GIGYF2: variants seen among roughly 807,000 people sequenced by gnomAD.
GIGYF2 encodes the protein GRB10 interacting GYF protein 2, also known as GRB10-interacting GYF protein 2.
Under a neutral mutation model 208.1 loss-of-function variants are expected in GIGYF2, and 25 were observed. The ratio of observed to expected loss-of-function variants is 0.12; its 90% CI spans 0.09 to 0.17. The LOEUF (loss-of-function observed/expected upper bound fraction) is 0.17. Ranked by LOEUF, GIGYF2 falls within the 10% of genes least tolerant of loss-of-function variation. GIGYF2 has a pLI of 1.00. For missense variants in GIGYF2, 1,302 were observed against 1,579.4 expected (o/e 0.82, Z 2.98); for synonymous variants, 534 against 543.8 (o/e 0.98, Z 0.25).
chr2:232,730,012 C>G (rs750020292), intron 2 of GIGYF2: 7 of 775,878 alleles, frequency 9.0e-6, no homozygotes, highest in Non-Finnish European at 1.4e-5. Flanking sequence ...TTTTCTTTTT[C>G]GTAAGACTTG....
intron 13 of GIGYF2, among the ~76,000 whole-genome samples, chr2:232,795,312 G>C (rs1252570229): frequency 6.6e-6 from 1 of 152,110 alleles, no homozygotes; most frequent in Non-Finnish European, 1.5e-5. Flanking sequence ...TAAACTTTCA[G>C]AGCATTAACA....
chr2:232,832,289 TG>T (rs1005077405), intron 21 of GIGYF2, among the ~76,000 whole-genome samples: 18 of 152,020 alleles, frequency 1.2e-4, no homozygotes, highest in African/African-American at 4.4e-4. Context: ...CACAATGGAA[TG>T]GTTTTGAGGG....
At chr2:232,781,536 T>G (rs1472879451) in intron 8 of GIGYF2, among the ~76,000 whole-genome samples, 1 of 152,202 alleles carries the variant, frequency 6.6e-6, no homozygotes, top group Non-Finnish European at 1.5e-5. Context: ...AGAATAAAAT[T>G]TTTATATTGA....
chr2:232,796,272 A>G (rs1234504112), intron 14 of GIGYF2, 51 bp downstream of exon 14: 2 of 1,114,288 alleles, frequency 1.8e-6, no homozygotes, highest in Non-Finnish European at 2.8e-6. Flanking sequence ...CATTACCTCC[A>G]GAATCTCTAA....
chr2:232,707,600 C>A (rs1378902355), intron 2 of GIGYF2, among the ~76,000 whole-genome samples: 1 of 151,854 alleles, frequency 6.6e-6, no homozygotes, highest in Admixed American at 6.6e-5. Context: ...GGAATCTGAC[C>A]CTCTTCTTAG....
intron 21 of GIGYF2, among the ~76,000 whole-genome samples, chr2:232,824,438 A>G (rs1222621272): frequency 2.0e-5 from 3 of 152,260 alleles, no homozygotes; most frequent in African/African-American, 7.2e-5. Flanking sequence ...ATATGGAGAT[A>G]GTTTTAGTGG....
At chr2:232,792,204 A>C (rs1700089402) in intron 12 of GIGYF2, among the ~76,000 whole-genome samples, 1 of 152,104 alleles carries the variant, frequency 6.6e-6, no homozygotes, top group South Asian at 2.1e-4. Context: ...GTTTTCTAGG[A>C]TTCGTACCTT....
chr2:232,708,344 A>G (rs1218908966), intron 2 of GIGYF2, among the ~76,000 whole-genome samples: 2 of 152,172 alleles, frequency 1.3e-5, no homozygotes, highest in Non-Finnish European at 2.9e-5. Context: ...ATGTTGTTTA[A>G]TTGTGTGGTG....
At chr2:232,719,900 T>C (rs942066072) in intron 2 of GIGYF2, among the ~76,000 whole-genome samples, 13 of 152,098 alleles carry the variant, frequency 8.5e-5, no homozygotes, top group African/African-American at 2.9e-4. Context: ...TGTAGAAATA[T>C]TCTCTCAGCT....
intron 8 of GIGYF2, among the ~76,000 whole-genome samples, chr2:232,780,941 AT>A (rs1260904534): frequency 6.6e-6 from 1 of 151,848 alleles, no homozygotes; most frequent in Non-Finnish European, 1.5e-5. Context: ...AATATTTATT[AT>A]TTATTTATGT....
At chr2:232,709,293 A>G (rs1470813731) in intron 2 of GIGYF2, among the ~76,000 whole-genome samples, 1 of 152,086 alleles carries the variant, frequency 6.6e-6, no homozygotes, top group Non-Finnish European at 1.5e-5. Context: ...GGCTTTTATG[A>G]TTGCTATTAC....
At chr2:232,852,582 A>G (rs1690396282) in intron 28 of GIGYF2, among the ~76,000 whole-genome samples, 1 of 143,052 alleles carries the variant, frequency 7.0e-6, no homozygotes, top group Non-Finnish European at 1.6e-5. Flanking sequence ...AATGTTTAAA[A>G]TATTATTTAA....
chr2:232,816,726 TTATC>T (rs528752083), intron 19 of GIGYF2, 141 bp from the exon 20 acceptor site: 8 of 697,690 alleles, frequency 1.1e-5, no homozygotes, highest in Non-Finnish European at 1.8e-5. Flanking sequence ...CATATTTTGT[TTATC>T]TATTGATCTG....
Position 232,787,014 on chromosome 2 carries a change from T to A in GIGYF2, c.533-136T>A, listed in dbSNP as rs1699933918. On this transcript the variant is annotated intron_variant, in intron 8 of 28. Coordinates refer to ENST00000373563, the MANE Select transcript of GIGYF2 (RefSeq NM_001103146.3). ...TCTAATAATATATACATATACCCAC[T>A]GTTATTTTAGTGATTTTTTTCTGAA... 5.0e-6 allele frequency: 3 copies of A among 602,718 alleles called. No individual in the cohort carries two copies. In the Admixed American group the frequency reaches 8.6e-5, roughly 17 times the overall value. 37.3% of individuals were successfully genotyped at this position (602,718 alleles called of 1,614,324 possible). A position where few individuals can be genotyped will look rare whatever the true frequency, so the allele number is the denominator to read the frequency against.
rs770072644 is a variant in GIGYF2, at chr2:232,847,531, A to C, written c.3644A>C (p.Gln1215Pro). 12 of 1,600,224 alleles carry C rather than the reference A, an allele frequency of 7.5e-6. No homozygotes were observed. Among genetic ancestry groups the C allele is most frequent in the South Asian group, 2.2e-5 (2 of 90,452 alleles). The change falls in exon 27 of 29, where the codon CAG becomes CCG. Residue 1215 changes from glutamine (Q) to proline (P), a missense_variant. By Grantham distance (76) the Gln-to-Pro change is moderately conservative. Coordinates refer to ENST00000373563, the MANE Select transcript of GIGYF2 (RefSeq NM_001103146.3). ...QQQQLPQQQQ[Q>P]QPPQQPPQQP... ...CAGCAGCTGCCACAGCAGCAGCAGC[A>C]GCAGCCGCCACAGCAGCCGCCACAG...
intron 2 of GIGYF2, chr2:232,734,402 A>G (rs1041486285): frequency 1.3e-5 from 2 of 151,704 alleles, no homozygotes; most frequent in African/African-American, 4.8e-5. Context: ...GATCTTTAAC[A>G]TTTCTTTTTT....
intron 13 of GIGYF2, among the ~76,000 whole-genome samples, chr2:232,795,212 A>G (rs1700187120): frequency 6.6e-6 from 1 of 152,156 alleles, no homozygotes; most frequent in South Asian, 2.1e-4. Flanking sequence ...TTGGACATTA[A>G]TGGAATGCCA....
intron 1 of GIGYF2, among the ~76,000 whole-genome samples, chr2:232,702,537 T>G (rs182332474): frequency 6.6e-6 from 1 of 152,282 alleles, no homozygotes; most frequent in Non-Finnish European, 1.5e-5. Context: ...CTTTGACTTG[T>G]TAGTAGCAGT....
intron 15 of GIGYF2, among the ~76,000 whole-genome samples, chr2:232,807,968 G>A (rs952710126): frequency 6.6e-6 from 1 of 152,232 alleles, no homozygotes; most frequent in African/African-American, 2.4e-5. Flanking sequence ...CCTCGTAGTA[G>A]GTTCTTAGGA....
Sources: gnomAD v4.1 joint callset for allele counts (sites outside exome capture counted in the v4.1 genomes callset) on GRCh38, gnomAD v4.1.1 for gene constraint, MANE v1.5 for transcripts, NCBI Gene and HGNC (gene_info 2026-07-23, HGNC 2026-07-21) for gene names.